Variants in NAALADL2 observed in about 807,000 individuals in gnomAD.
NAALADL2 encodes the protein inactive N-acetylated-alpha-linked acidic dipeptidase-like protein 2.
A neutral mutation model predicts 87.2 loss-of-function variants in NAALADL2; 76 were observed. The ratio of observed to expected loss-of-function variants is 0.87; its 90% CI spans 0.72 to 1.05. The LOEUF is 1.05. NAALADL2 is among the 50% of genes least tolerant of loss of function. The pLI is 0.00. For synonymous variants in NAALADL2, 354 were observed against 331.0 expected (o/e 1.07, Z -0.75); for missense variants, 1,089 against 945.8 (o/e 1.15, Z -1.99).
At chr3:175,286,387 T>A (rs937408558) in intron 4 of NAALADL2, among the ~76,000 whole-genome samples, 4 of 152,200 alleles carry the variant, frequency 2.6e-5, no homozygotes, top group Non-Finnish European at 5.9e-5. Context: ...TTCAAGGTTA[T>A]AGTGTGAACC....
intron 1 of NAALADL2, among the ~76,000 whole-genome samples, chr3:174,493,895 A>G (rs1220579988): frequency 1.3e-5 from 2 of 152,224 alleles, no homozygotes; most frequent in East Asian, 1.9e-4. Context: ...TAATTAAAAT[A>G]TTGTTTGAAA....
At chr3:174,852,026 A>G (rs1725313992) in intron 3 of NAALADL2, among the ~76,000 whole-genome samples, 1 of 152,170 alleles carries the variant, frequency 6.6e-6, no homozygotes, top group Non-Finnish European at 1.5e-5. Context: ...AAAATTCAAC[A>G]TACCTTCATG....
At chr3:174,923,329 T>C (rs1441917832) in intron 1 of NAALADL2, among the ~76,000 whole-genome samples, 2 of 152,124 alleles carry the variant, frequency 1.3e-5, no homozygotes, top group East Asian at 3.8e-4. Context: ...ATTAAGTACA[T>C]ATCCATGAGT....
intron 9 of NAALADL2, among the ~76,000 whole-genome samples, chr3:175,493,004 A>T (rs990918310): frequency 3.9e-5 from 6 of 152,088 alleles, no homozygotes; most frequent in Non-Finnish European, 8.8e-5. Flanking sequence ...TTTATAACAG[A>T]TATTTATGTG....
At chr3:174,689,936 A>T (rs962616062) in intron 2 of NAALADL2, among the ~76,000 whole-genome samples, 1 of 151,162 alleles carries the variant, frequency 6.6e-6, no homozygotes, top group African/African-American at 2.4e-5. Flanking sequence ...GTACCTTTTC[A>T]TGCATAAAAT....
At position 175,000,665 on chromosome 3, in the gene NAALADL2, GA is replaced by G. The variant is rs1395763893; in HGVS notation, c.44-96123del. 3.4e-4 allele frequency among the ~76,000 whole-genome samples: 51 copies of G among 151,918 alleles called. 1 individual carries two copies. Among genetic ancestry groups the G allele is most frequent in the Admixed American group, 5.9e-4 (9 of 15,238 alleles). On this transcript the variant is annotated intron_variant, in intron 1 of 13. Transcript: ENST00000454872. ...TCTTTCCTATACTGATTTGAAGCTG[GA>G]ATCCATAATCTTAATTAGTCATGCT...
intron 3 of NAALADL2, among the ~76,000 whole-genome samples, chr3:174,847,262 A>G (rs1294109453): frequency 6.6e-6 from 1 of 152,202 alleles, no homozygotes; most frequent in Non-Finnish European, 1.5e-5. Context: ...ACTCACAAGT[A>G]TTAAGCATGC....
At chr3:174,474,061 G>C (rs1292032556) in intron 1 of NAALADL2, among the ~76,000 whole-genome samples, 1 of 152,000 alleles carries the variant, frequency 6.6e-6, no homozygotes, top group Non-Finnish European at 1.5e-5. Flanking sequence ...CCTCTTATGG[G>C]GTTCCTCCCA....
At chr3:175,222,197 C>T (rs1306474568) in intron 2 of NAALADL2, among the ~76,000 whole-genome samples, 1 of 152,120 alleles carries the variant, frequency 6.6e-6, no homozygotes, top group Non-Finnish European at 1.5e-5. Context: ...CAGATTCTCC[C>T]ATACAGAATC....
Position 175,336,129 on chromosome 3 carries a change from T to C in NAALADL2, c.1090+11804T>C, listed in dbSNP as rs188957290. Among the ~76,000 whole-genome samples the C allele has an allele frequency of 9.2e-4, 140 of 152,046 alleles. 1 individual carries two copies. In the East Asian group the frequency reaches 0.023, roughly 25 times the overall value. ...TCCCGAAAGCCTTTCTGAAGCTTCT[T>C]TTTTTTTCCACCTTCCGTTCTCTTT... On this transcript the variant is annotated intron_variant, in intron 5 of 13. Transcript: ENST00000454872.
intron 3 of NAALADL2, among the ~76,000 whole-genome samples, chr3:174,795,285 C>T (rs966578681): frequency 1.3e-5 from 2 of 151,694 alleles, no homozygotes; most frequent in African/African-American, 4.8e-5. Flanking sequence ...GCATCAGCCA[C>T]CACACCCGGC....
rs191352976 is a variant in NAALADL2 at position 174,944,912 on chromosome 3, T to A, written c.43+85462T>A. On this transcript the variant is annotated intron_variant, in intron 1 of 13. Transcript: ENST00000454872. The stretch of plus-strand genomic sequence containing the variant: ...CATCCTGCCTTAAGTTTCTTTGTTC[T>A]CTGTGGGTTGAGTTGTTTCCTTGAT... Among the ~76,000 whole-genome samples the A allele has an allele frequency of 2.0e-4, 31 of 152,282 alleles. No individual in the cohort carries two copies. In the East Asian group the frequency reaches 5.8e-3, roughly 29 times the overall value.
At chr3:175,236,809 T>C (rs1745981858) in intron 3 of NAALADL2, among the ~76,000 whole-genome samples, 1 of 152,204 alleles carries the variant, frequency 6.6e-6, no homozygotes, top group Non-Finnish European at 1.5e-5. Context: ...TGTTTGCTTT[T>C]TATATTTTGT....
At chr3:174,686,573 T>C (rs575915) in intron 2 of NAALADL2, among the ~76,000 whole-genome samples, 77,090 of 151,708 alleles carry the variant, frequency 0.51, 22,429 homozygotes, top group Non-Finnish European at 0.68. Context: ...CAAAACAGCA[T>C]GGTATTGGTA....
chr3:175,095,484 G>A (rs914210571), intron 1 of NAALADL2, among the ~76,000 whole-genome samples: 30 of 151,544 alleles, frequency 2.0e-4, no homozygotes, highest in African/African-American at 6.5e-4. Flanking sequence ...TAGATTTTAG[G>A]GCAGCATATG....
At chr3:175,545,867 C>G (rs1013537838) in intron 9 of NAALADL2, among the ~76,000 whole-genome samples, 3 of 152,048 alleles carry the variant, frequency 2.0e-5, no homozygotes, top group African/African-American at 7.2e-5. Context: ...TCCATATCAC[C>G]ATAGATCTAT....
chr3:175,577,818 C>A (rs189587598), intron 10 of NAALADL2, among the ~76,000 whole-genome samples: 1 of 152,194 alleles, frequency 6.6e-6, no homozygotes. Context: ...TTTTTGAACT[C>A]TCTGAGGAAC....
At chr3:175,582,410 T>A (rs776256530) in intron 10 of NAALADL2, among the ~76,000 whole-genome samples, 1 of 152,202 alleles carries the variant, frequency 6.6e-6, no homozygotes, top group African/African-American at 2.4e-5. Context: ...GATCAAAATA[T>A]ATAGCATACG....
At chr3:175,567,084 A>T (rs566284986) in intron 9 of NAALADL2, among the ~76,000 whole-genome samples, 28 of 152,342 alleles carry the variant, frequency 1.8e-4, no homozygotes, top group African/African-American at 6.3e-4. Flanking sequence ...TAGAGTAGGT[A>T]CTATTTTATT....
Sources: allele counts gnomAD v4.1 joint callset (sites outside exome capture counted in the v4.1 genomes callset), GRCh38; gene constraint gnomAD v4.1.1; transcripts MANE v1.5; gene names NCBI Gene and HGNC (gene_info 2026-07-23, HGNC 2026-07-21).